LARGE1: variants seen among roughly 807,000 people sequenced by gnomAD.
LARGE1 encodes the protein xylosyl- and glucuronyltransferase LARGE1.
A neutral mutation model predicts 87.6 loss-of-function variants in LARGE1; 43 were observed. The observed-to-expected ratio is 0.49, with a 90% CI of 0.38 to 0.63. The LOEUF (loss-of-function observed/expected upper bound fraction) is 0.63. Among genes scored for constraint, LARGE1 ranks in the 30% least tolerant of loss-of-function variants. LARGE1 has a pLI of 0.00. For synonymous variants in LARGE1, 434 were observed against 394.6 expected (o/e 1.10, Z -1.18); for missense variants, 802 against 1,000.2 (o/e 0.80, Z 2.67).
chr22:33,199,578 C>G (rs1441895622), intron 11 of LARGE1, among the ~76,000 whole-genome samples: 1 of 152,134 alleles, frequency 6.6e-6, no homozygotes, highest in Non-Finnish European at 1.5e-5. Flanking sequence ...CTCCATATGG[C>G]TATCCAATTT....
chr22:33,096,860 C>A, the LARGE1 span, among the ~76,000 whole-genome samples: 1 of 152,150 alleles, frequency 6.6e-6, no homozygotes, highest in East Asian at 1.9e-4. Flanking sequence ...CCACCGCGCC[C>A]GGCGGATCTG....
At chr22:33,190,306 T>C (rs1207485575) in intron 11 of LARGE1, among the ~76,000 whole-genome samples, 2 of 152,134 alleles carry the variant, frequency 1.3e-5, no homozygotes, top group African/African-American at 2.4e-5. Flanking sequence ...AGAACAGAGT[T>C]TGAATATTTC....
chr22:33,920,582 A>G (rs539481544), upstream of LARGE1, among the ~76,000 whole-genome samples: 144,614 of 144,632 alleles, frequency 1, 72,298 homozygotes, highest in Middle Eastern at 1. Context: ...GCGGGAAAGA[A>G]GCGCCGGAAA....
chr22:33,904,553 A>G (rs2065381087), intron 1 of LARGE1, among the ~76,000 whole-genome samples: 1 of 152,148 alleles, frequency 6.6e-6, no homozygotes. Flanking sequence ...CTGGCATCCC[A>G]TGGGGACAGG....
intron 6 of LARGE1, among the ~76,000 whole-genome samples, chr22:33,505,046 T>A (rs975373041): frequency 1.3e-5 from 2 of 152,218 alleles, no homozygotes; most frequent in African/African-American, 4.8e-5. Context: ...ACTACATCTC[T>A]AACTCCTCAG....
intron 13 of LARGE1, among the ~76,000 whole-genome samples, chr22:33,281,643 G>A (rs1930465387): frequency 6.6e-6 from 1 of 152,176 alleles, no homozygotes; most frequent in Non-Finnish European, 1.5e-5. Flanking sequence ...CACAATAAGT[G>A]GTAGTTATTT....
At chr22:33,534,074 T>C (rs1021943253) in intron 6 of LARGE1, among the ~76,000 whole-genome samples, 1 of 152,132 alleles carries the variant, frequency 6.6e-6, no homozygotes, top group Non-Finnish European at 1.5e-5. Flanking sequence ...GCTTTGAGTG[T>C]GTGGGTGGGC....
chr22:33,579,449 A>G lies in LARGE1; in HGVS notation c.616-14430T>C, dbSNP rs1338435903. ...CAGCACCATGAAAACGGACTAATACAGTGTGCCAGGGAAAGTCTCAGCCTT... is the reference window on the plus strand; with the variant it reads ...CAGCACCATGAAAACGGACTAATACGGTGTGCCAGGGAAAGTCTCAGCCTT... On this transcript the variant is annotated intron_variant, in intron 5 of 14. Transcript: ENST00000397394. Among the ~76,000 whole-genome samples the G allele has an allele frequency of 2.6e-5, 4 of 152,204 alleles. No homozygotes were observed. The East Asian group carries it at 7.7e-4, about 29-fold the overall frequency.
At chr22:33,263,696 G>A (rs1455356813) in intron 11 of LARGE1, among the ~76,000 whole-genome samples, 2 of 152,212 alleles carry the variant, frequency 1.3e-5, no homozygotes, top group Non-Finnish European at 2.9e-5. Context: ...TGATCCATGG[G>A]AACTATGAGA....
At chr22:33,903,608 C>T (rs1456288353) in intron 1 of LARGE1, among the ~76,000 whole-genome samples, 4 of 152,084 alleles carry the variant, frequency 2.6e-5, no homozygotes, top group East Asian at 1.9e-4. Flanking sequence ...AGGCGGATCA[C>T]GAGGTCAAGA....
intron 5 of LARGE1, among the ~76,000 whole-genome samples, chr22:33,595,024 C>T (rs1243484308): frequency 6.6e-6 from 1 of 152,190 alleles, no homozygotes; most frequent in African/African-American, 2.4e-5. Context: ...ATGCTGCTCT[C>T]TTTAGCAGCA....
At chr22:33,376,779 T>C (rs2065007930) in intron 9 of LARGE1, among the ~76,000 whole-genome samples, 1 of 152,258 alleles carries the variant, frequency 6.6e-6, no homozygotes, top group Admixed American at 6.5e-5. Context: ...TCAAATTTTT[T>C]ACAGATGTAC....
intron 2 of LARGE1, among the ~76,000 whole-genome samples, chr22:33,711,349 C>T (rs2082725485): frequency 1.3e-5 from 2 of 152,260 alleles, no homozygotes; most frequent in African/African-American, 4.8e-5. Flanking sequence ...GGGTTCTAAC[C>T]CCTGTGTTAA....
chr22:33,176,466 A>C (rs1167237764), intron 11 of LARGE1, among the ~76,000 whole-genome samples: 4 of 152,056 alleles, frequency 2.6e-5, no homozygotes, highest in Non-Finnish European at 4.4e-5. Flanking sequence ...AAGAAAAAAA[A>C]CCAAACAACC....
chr22:33,860,711 C>T (rs1391321758), intron 1 of LARGE1, among the ~76,000 whole-genome samples: 1 of 152,212 alleles, frequency 6.6e-6, no homozygotes, highest in African/African-American at 2.4e-5. Context: ...ACAAACATGA[C>T]TTCAGCGCTC....
intron 10 of LARGE1, among the ~76,000 whole-genome samples, chr22:33,332,097 G>A (rs1169616940): frequency 2.6e-5 from 4 of 152,062 alleles, no homozygotes; most frequent in South Asian, 2.1e-4. Context: ...TGTGTCTGGC[G>A]ACTACCTGAA....
intron 1 of LARGE1, among the ~76,000 whole-genome samples, chr22:33,853,548 T>C (rs900215845): frequency 2.6e-5 from 4 of 152,230 alleles, no homozygotes; most frequent in African/African-American, 9.6e-5. Context: ...CATAGCTCTA[T>C]TATGCAAAAC....
chr22:33,298,797 C>CT (rs1933722303), intron 12 of LARGE1, among the ~76,000 whole-genome samples: 1 of 151,756 alleles, frequency 6.6e-6, no homozygotes, highest in Non-Finnish European at 1.5e-5. Context: ...CACCACTGCA[C>CT]TCCAGCCTGG....
intron 11 of LARGE1, among the ~76,000 whole-genome samples, chr22:33,190,759 T>A (rs1023306648): frequency 6.6e-6 from 1 of 152,226 alleles, no homozygotes; most frequent in African/African-American, 2.4e-5. Context: ...AACCAGGGAT[T>A]CCTAGACTCC....
Sources: gnomAD v4.1 joint callset for allele counts (sites outside exome capture counted in the v4.1 genomes callset) on GRCh38, gnomAD v4.1.1 for gene constraint, MANE v1.5 for transcripts, NCBI Gene and HGNC (gene_info 2026-07-23, HGNC 2026-07-21) for gene names.